Variants in SH3RF1 observed in about 807,000 individuals in gnomAD.
The protein encoded by SH3RF1 is SH3 domain containing ring finger 1.
Under a neutral mutation model 74.0 loss-of-function variants are expected in SH3RF1, and 32 were observed. That is an observed-to-expected ratio of 0.43 (90% CI 0.33 to 0.58). The LOEUF is 0.58. SH3RF1 is among the 20% of genes least tolerant of loss of function. The pLI is 0.05. For missense variants in SH3RF1, 954 were observed against 1,130.9 expected, an observed-to-expected ratio of 0.84 and a Z score of 2.24; for synonymous variants, 396 against 439.6, an observed-to-expected ratio of 0.90 and a Z score of 1.24.
intron 2 of SH3RF1, among the ~76,000 whole-genome samples, chr4:169,241,568 C>T (rs1730910828): frequency 1.2e-5 from 1 of 83,748 alleles, no homozygotes; most frequent in African/African-American, 3.6e-5. Context: ...ATCAGCACTC[C>T]TGAACTCCAC....
At chr4:169,127,012 T>C (rs1257529899) in intron 6 of SH3RF1, among the ~76,000 whole-genome samples, 6 of 152,246 alleles carry the variant, frequency 3.9e-5, no homozygotes. Flanking sequence ...GTCCAGAGGA[T>C]CGGGGATTAT....
chr4:169,160,672 T>C (rs1734136314), intron 2 of SH3RF1, among the ~76,000 whole-genome samples: 1 of 152,182 alleles, frequency 6.6e-6, no homozygotes, highest in African/African-American at 2.4e-5. Flanking sequence ...AGAAAGCCAG[T>C]TTGGGTCAAG....
chr4:169,145,347 C>T (rs1256790009), intron 4 of SH3RF1, among the ~76,000 whole-genome samples: 1 of 151,996 alleles, frequency 6.6e-6, no homozygotes. Flanking sequence ...AAATCAAATA[C>T]TGCATTTTCC....
At chr4:169,224,979 G>C (rs923236878) in intron 2 of SH3RF1, among the ~76,000 whole-genome samples, 1 of 152,220 alleles carries the variant, frequency 6.6e-6, no homozygotes, top group Non-Finnish European at 1.5e-5. Context: ...TTTAAGCAGA[G>C]TAATCCAACA....
intron 2 of SH3RF1, among the ~76,000 whole-genome samples, chr4:169,207,929 T>G (rs1004441259): frequency 6.6e-6 from 1 of 151,564 alleles, no homozygotes; most frequent in Admixed American, 6.6e-5. Context: ...ATGGGGGGTG[T>G]CAGTAGGGGT....
chr4:169,107,889 G>C (rs1733173364), intron 10 of SH3RF1, among the ~76,000 whole-genome samples: 1 of 152,198 alleles, frequency 6.6e-6, no homozygotes, highest in Non-Finnish European at 1.5e-5. Context: ...TTTAAGGAAA[G>C]CTTCAGTATA....
At chr4:169,204,903 GA>G (rs376984217) in intron 2 of SH3RF1, among the ~76,000 whole-genome samples, 7,399 of 149,728 alleles carry the variant, frequency 0.049, 287 homozygotes, top group South Asian at 0.19. Context: ...TCTGACATTT[GA>G]AAAAAAAAAT....
intron 2 of SH3RF1, among the ~76,000 whole-genome samples, chr4:169,267,636 T>C (rs1321829253): frequency 6.6e-6 from 1 of 152,190 alleles, no homozygotes; most frequent in Non-Finnish European, 1.5e-5. Context: ...CTGATCAGGT[T>C]TTCCAGTGAT....
At chr4:169,261,010 C>A (rs1447001444) in intron 2 of SH3RF1, among the ~76,000 whole-genome samples, 4 of 152,204 alleles carry the variant, frequency 2.6e-5, no homozygotes, top group African/African-American at 7.2e-5. Context: ...TTCAACAAAC[C>A]TCTTGTGAGT....
chr4:169,148,270 G>A (rs1267910881), intron 4 of SH3RF1, among the ~76,000 whole-genome samples: 1 of 152,198 alleles, frequency 6.6e-6, no homozygotes, highest in Non-Finnish European at 1.5e-5. Flanking sequence ...CAGAGTGGAG[G>A]CCACGATTCC....
chr4:169,183,449 T>A (rs1017095627), intron 2 of SH3RF1, among the ~76,000 whole-genome samples: 2 of 151,878 alleles, frequency 1.3e-5, no homozygotes, highest in Non-Finnish European at 2.9e-5. Flanking sequence ...CCCAGCTAAT[T>A]TTTGTATTTT....
chr4:169,126,702 G>A (rs551206911), intron 6 of SH3RF1, among the ~76,000 whole-genome samples: 1 of 152,102 alleles, frequency 6.6e-6, no homozygotes, highest in African/African-American at 2.4e-5. Context: ...TCCTGCCTCA[G>A]CCTCCCGAGT....
At chr4:169,169,608 A>T (rs1459426183) in intron 2 of SH3RF1, among the ~76,000 whole-genome samples, 1 of 152,176 alleles carries the variant, frequency 6.6e-6, no homozygotes, top group Non-Finnish European at 1.5e-5. Flanking sequence ...AAAAATAAAA[A>T]AAAATAAAAA....
At chr4:169,118,908 C>T (rs1257645775) in intron 8 of SH3RF1, among the ~76,000 whole-genome samples, 2 of 152,172 alleles carry the variant, frequency 1.3e-5, no homozygotes, top group African/African-American at 4.8e-5. Flanking sequence ...TATTTACTCA[C>T]TGAATGTAAT....
chr4:169,229,692 T>C (rs1220905884), intron 2 of SH3RF1, among the ~76,000 whole-genome samples: 1 of 151,794 alleles, frequency 6.6e-6, no homozygotes, highest in Non-Finnish European at 1.5e-5. Flanking sequence ...CTCCACAGAG[T>C]ATTACTCATG....
At position 169,159,533 on chromosome 4, in the gene SH3RF1, T is replaced by C. The variant is rs77180804; in HGVS notation, c.394-2854A>G. 3.5e-3 allele frequency among the ~76,000 whole-genome samples: 527 copies of C among 152,348 alleles called. 4 individuals are homozygous for C. Among genetic ancestry groups the C allele is most frequent in the South Asian group, 8.9e-3 (43 of 4,828 alleles). On this transcript the variant is annotated intron_variant, in intron 2 of 11. Transcript: ENST00000284637. ...ATTGCAGGGTGTGAATCCCATTTAC[T>C]AGCTCTGTGATTTGGGGCAGGTTAA... is the stretch of plus-strand genomic sequence containing the variant.
intron 10 of SH3RF1, among the ~76,000 whole-genome samples, chr4:169,115,223 C>T (rs1733310932): frequency 6.6e-6 from 1 of 152,172 alleles, no homozygotes; most frequent in African/African-American, 2.4e-5. Context: ...AGTCTTACCT[C>T]TCAAGGAACC....
chr4:169,158,597 T>C (rs1579112060), intron 2 of SH3RF1, among the ~76,000 whole-genome samples: 1 of 152,252 alleles, frequency 6.6e-6, no homozygotes, highest in Admixed American at 6.5e-5. Flanking sequence ...CTGGCAGTAG[T>C]GTGGAAAATG....
chr4:169,182,326 C>T (rs115239558), intron 2 of SH3RF1, among the ~76,000 whole-genome samples: 27 of 152,292 alleles, frequency 1.8e-4, no homozygotes, highest in Non-Finnish European at 3.2e-4. Context: ...AGGAGGGTGA[C>T]CCAAAAATCA....
Sources: allele counts gnomAD v4.1 joint callset (sites outside exome capture counted in the v4.1 genomes callset), GRCh38; gene constraint gnomAD v4.1.1; transcripts MANE v1.5; gene names NCBI Gene and HGNC (gene_info 2026-07-23, HGNC 2026-07-21).